The following APBB1IP variants were observed in gnomAD, a reference collection of about 807,000 sequenced individuals.
The protein encoded by APBB1IP is amyloid beta A4 precursor protein-binding family B member 1-interacting protein.
A neutral mutation model predicts 64.9 loss-of-function variants in APBB1IP; 27 were observed. The observed-to-expected ratio is 0.42, with a 90% CI of 0.31 to 0.57. The LOEUF is 0.57. APBB1IP is among the 20% of genes least tolerant of loss of function. The pLI is 0.20. For missense variants in APBB1IP, 812 were observed against 845.5 expected (o/e 0.96, Z 0.49); for synonymous variants, 392 against 331.0 (o/e 1.18, Z -2.00).
intron 8 of APBB1IP, among the ~76,000 whole-genome samples, chr10:26,529,142 C>T (rs925435105): frequency 6.6e-5 from 10 of 152,182 alleles, no homozygotes; most frequent in African/African-American, 2.2e-4. Flanking sequence ...CCAAGAGTCT[C>T]ATTTCCCATT....
intron 2 of APBB1IP, among the ~76,000 whole-genome samples, chr10:26,440,886 AG>A: frequency 6.6e-6 from 1 of 152,244 alleles, no homozygotes; most frequent in East Asian, 1.9e-4. Flanking sequence ...TTACTTCCAA[AG>A]AGCATTATTA....
chr10:26,483,515 A>AG (rs1212380647), intron 2 of APBB1IP, among the ~76,000 whole-genome samples: 3 of 152,166 alleles, frequency 2.0e-5, no homozygotes, highest in Non-Finnish European at 4.4e-5. Context: ...GTAGAGAGCA[A>AG]GGGGAGATTT....
At chr10:26,533,600 C>A in intron 9 of APBB1IP, 75 bp downstream of exon 9, 2 of 971,360 alleles carry the variant, frequency 2.1e-6, no homozygotes, top group Non-Finnish European at 1.5e-6. Flanking sequence ...CTTCCGAGAA[C>A]AATGGAAAAA....
chr10:26,563,497 T>A (rs1055613188), intron 14 of APBB1IP, among the ~76,000 whole-genome samples: 7 of 152,078 alleles, frequency 4.6e-5, no homozygotes, highest in Non-Finnish European at 1.0e-4. Context: ...TAATTCTCCA[T>A]AAAATTTTTT....
intron 8 of APBB1IP, among the ~76,000 whole-genome samples, chr10:26,515,241 G>A (rs1477076715): frequency 6.6e-6 from 1 of 152,110 alleles, no homozygotes; most frequent in African/African-American, 2.4e-5. Context: ...GTAGCAAAGA[G>A]ACTCTTAAAT....
At chr10:26,498,074 T>C (rs965729756) in intron 4 of APBB1IP, among the ~76,000 whole-genome samples, 1 of 152,202 alleles carries the variant, frequency 6.6e-6, no homozygotes, top group Non-Finnish European at 1.5e-5. Flanking sequence ...AGTAAACCAT[T>C]AAGTGCCAGT....
intron 2 of APBB1IP, among the ~76,000 whole-genome samples, chr10:26,488,697 T>A (rs1419737600): frequency 6.6e-6 from 1 of 152,246 alleles, no homozygotes; most frequent in Non-Finnish European, 1.5e-5. Flanking sequence ...ATAAACACTT[T>A]TTTAATCCCA....
intron 2 of APBB1IP, among the ~76,000 whole-genome samples, chr10:26,439,732 C>G (rs533416015): frequency 6.6e-6 from 1 of 152,110 alleles, no homozygotes; most frequent in Admixed American, 6.5e-5. Flanking sequence ...AGGAAAGTAA[C>G]AAAAGAAAAG....
intron 2 of APBB1IP, among the ~76,000 whole-genome samples, chr10:26,477,537 G>A (rs752270866): frequency 1.3e-5 from 2 of 152,074 alleles, no homozygotes; most frequent in Non-Finnish European, 2.9e-5. Flanking sequence ...CACCCACCAT[G>A]GTGGTTGTAG....
intron 8 of APBB1IP, among the ~76,000 whole-genome samples, chr10:26,525,141 G>A (rs1382281438): frequency 3.3e-5 from 5 of 151,384 alleles, no homozygotes; most frequent in Non-Finnish European, 5.9e-5. Context: ...AATTAGCTGG[G>A]CGGGGTGACA....
At chr10:26,477,421 C>T (rs963247118) in intron 2 of APBB1IP, among the ~76,000 whole-genome samples, 7 of 152,266 alleles carry the variant, frequency 4.6e-5, no homozygotes, top group African/African-American at 1.7e-4. Context: ...ATTTTTTCAC[C>T]TACCCTGGAG....
intron 9 of APBB1IP, among the ~76,000 whole-genome samples, chr10:26,534,559 A>C (rs1312849854): frequency 6.6e-6 from 1 of 152,162 alleles, no homozygotes; most frequent in African/African-American, 2.4e-5. Context: ...GGAGCCAATT[A>C]GCTCATGCTG....
At chr10:26,490,489 G>A (rs1415831391) in intron 2 of APBB1IP, among the ~76,000 whole-genome samples, 2 of 152,102 alleles carry the variant, frequency 1.3e-5, no homozygotes, top group Non-Finnish European at 2.9e-5. Flanking sequence ...ACCAGGTGTG[G>A]TGGGGCATGC....
chr10:26,503,345 A>G, intron 6 of APBB1IP, 71 bp downstream of exon 6: 1 of 1,541,664 alleles, frequency 6.5e-7, no homozygotes, highest in South Asian at 1.1e-5. Context: ...ATGATAAAAA[A>G]CAAAATAAAG....
At chr10:26,500,095 C>T (rs911194410) in intron 4 of APBB1IP, among the ~76,000 whole-genome samples, 1 of 151,602 alleles carries the variant, frequency 6.6e-6, no homozygotes, top group Non-Finnish European at 1.5e-5. Context: ...CCTGTAGTCC[C>T]AGCTGCTTGG....
intron 3 of APBB1IP, among the ~76,000 whole-genome samples, chr10:26,493,413 T>C (rs1183247153): frequency 6.6e-6 from 1 of 152,204 alleles, no homozygotes; most frequent in African/African-American, 2.4e-5. Context: ...GTCCATGAAA[T>C]CTTCACAATT....
At chr10:26,527,094 A>G (rs1836484264) in intron 8 of APBB1IP, among the ~76,000 whole-genome samples, 1 of 152,190 alleles carries the variant, frequency 6.6e-6, no homozygotes, top group Non-Finnish European at 1.5e-5. Context: ...ACCATCCAGG[A>G]CCAGGTGTGG....
At chr10:26,538,885 A>C (rs1197959509) in intron 10 of APBB1IP, among the ~76,000 whole-genome samples, 2 of 152,226 alleles carry the variant, frequency 1.3e-5, no homozygotes, top group Non-Finnish European at 2.9e-5. Context: ...ACATTAGATA[A>C]AAACAGCACA....
At chr10:26,520,340 A>G (rs1836387776) in intron 8 of APBB1IP, among the ~76,000 whole-genome samples, 1 of 145,790 alleles carries the variant, frequency 6.9e-6, no homozygotes, top group Non-Finnish European at 1.5e-5. Context: ...TGCTATAGCA[A>G]CAGAAAAAAG....
Sources: allele counts gnomAD v4.1 joint callset (sites outside exome capture counted in the v4.1 genomes callset), GRCh38; gene constraint gnomAD v4.1.1; transcripts MANE v1.5; gene names NCBI Gene and HGNC (gene_info 2026-07-23, HGNC 2026-07-21).